The following MAGI2 variants were observed in gnomAD, a reference collection of about 807,000 sequenced individuals.
The protein encoded by MAGI2 is membrane associated guanylate kinase, WW and PDZ domain containing 2.
Under a neutral mutation model 133.3 loss-of-function variants are expected in MAGI2, and 35 were observed. The ratio of observed to expected loss-of-function variants is 0.26; its 90% CI spans 0.20 to 0.35. The LOEUF is 0.35. MAGI2 is among the 10% of genes least tolerant of loss of function. The probability of loss-of-function intolerance (pLI) is 1.00; values close to 1 mark genes in which losing one functional copy is unlikely to be tolerated. For missense variants in MAGI2, 1,636 were observed against 1,863.4 expected (o/e 0.88, Z 2.25); for synonymous variants, 729 against 710.6 (o/e 1.03, Z -0.41).
chr7:78,500,820 G>T (rs1329228924), intron 5 of MAGI2, among the ~76,000 whole-genome samples: 1 of 152,104 alleles, frequency 6.6e-6, no homozygotes, highest in Non-Finnish European at 1.5e-5. Flanking sequence ...TGGGCGCAGT[G>T]GCTCACCCCT....
intron 21 of MAGI2, among the ~76,000 whole-genome samples, chr7:78,062,151 A>G (rs141914944): frequency 6.6e-6 from 1 of 152,258 alleles, no homozygotes. Context: ...ATGGTATCTT[A>G]CTCATCTTTG....
chr7:78,839,997 G>A (rs1346449068), intron 2 of MAGI2, among the ~76,000 whole-genome samples: 1 of 151,990 alleles, frequency 6.6e-6, no homozygotes, highest in African/African-American at 2.4e-5. Flanking sequence ...AATTTTATAG[G>A]TCAGCTACCG....
chr7:78,771,781 G>GA lies in MAGI2; in HGVS notation c.419-144543dup, dbSNP rs560707640. Among the ~76,000 whole-genome samples, 446 of 149,998 alleles carry GA rather than the reference G, an allele frequency of 3.0e-3. 14 individuals are homozygous for GA. Among genetic ancestry groups the GA allele is most frequent in the Non-Finnish European group, 3.6e-3 (242 of 67,370 alleles). On this transcript the variant is annotated intron_variant, in intron 2 of 21. Coordinates refer to ENST00000354212, the MANE Select transcript of MAGI2 (RefSeq NM_012301.4). ...GACAATAAAAATAATAATGTGAAAG[G>GA]AAAAAAAAATAAGTGACAAAAACAC...
At chr7:78,607,832 TG>T (rs752627127) in intron 3 of MAGI2, among the ~76,000 whole-genome samples, 5 of 152,342 alleles carry the variant, frequency 3.3e-5, no homozygotes, top group Non-Finnish European at 7.3e-5. Flanking sequence ...CCCTTTGTGC[TG>T]GTAGCATCCC....
intron 2 of MAGI2, among the ~76,000 whole-genome samples, chr7:78,921,873 T>A (rs1799255304): frequency 1.3e-5 from 2 of 152,146 alleles, no homozygotes; most frequent in African/African-American, 4.8e-5. Flanking sequence ...CCTCAGGTGA[T>A]CCGCCTGCCT....
intron 1 of MAGI2, among the ~76,000 whole-genome samples, chr7:79,238,428 TG>T (rs1373737782): frequency 7.9e-5 from 12 of 152,192 alleles, no homozygotes; most frequent in Non-Finnish European, 5.9e-5. Flanking sequence ...TTTGACCCTT[TG>T]TATTTTCTTC....
chr7:78,580,985 A>G (rs1563199670), intron 3 of MAGI2, among the ~76,000 whole-genome samples: 1 of 152,202 alleles, frequency 6.6e-6, no homozygotes, highest in Non-Finnish European at 1.5e-5. Context: ...TGCCATATAA[A>G]TAATTTAGTT....
chr7:78,665,945 T>C (rs558020007), intron 2 of MAGI2, among the ~76,000 whole-genome samples: 4 of 152,216 alleles, frequency 2.6e-5, no homozygotes, highest in South Asian at 4.1e-4. Flanking sequence ...CAGGTAGTTA[T>C]AGTAGGGTGA....
At chr7:79,211,050 A>G (rs1419502125) in intron 1 of MAGI2, among the ~76,000 whole-genome samples, 2 of 152,104 alleles carry the variant, frequency 1.3e-5, no homozygotes, top group Non-Finnish European at 2.9e-5. Flanking sequence ...GGATTGGCTA[A>G]GTCACTTGCA....
At chr7:78,610,865 T>C (rs943194752) in intron 3 of MAGI2, among the ~76,000 whole-genome samples, 4 of 152,130 alleles carry the variant, frequency 2.6e-5, no homozygotes, top group African/African-American at 4.8e-5. Context: ...GAAAGGGAAA[T>C]AGGGTAAATC....
At chr7:78,557,263 A>G (rs1040189379) in intron 3 of MAGI2, among the ~76,000 whole-genome samples, 4 of 152,042 alleles carry the variant, frequency 2.6e-5, no homozygotes, top group Admixed American at 1.3e-4. Context: ...TCCTTTTACA[A>G]TTAGTTATAT....
intron 1 of MAGI2, among the ~76,000 whole-genome samples, chr7:79,254,781 T>G (rs940151687): frequency 2.0e-5 from 3 of 152,186 alleles, no homozygotes; most frequent in African/African-American, 7.2e-5. Flanking sequence ...CTGAACTCGC[T>G]CAATCTAGAG....
intron 1 of MAGI2, among the ~76,000 whole-genome samples, chr7:79,130,878 A>T (rs1192048006): frequency 6.6e-6 from 1 of 152,120 alleles, no homozygotes; most frequent in East Asian, 1.9e-4. Context: ...ATTATGGAAC[A>T]CTAGTCTTGA....
At chr7:78,760,156 G>A (rs1824349461) in intron 2 of MAGI2, among the ~76,000 whole-genome samples, 1 of 152,018 alleles carries the variant, frequency 6.6e-6, no homozygotes, top group East Asian at 1.9e-4. Flanking sequence ...AGAAAATAAA[G>A]GAGATTGCTT....
rs796839915 is a variant in MAGI2 at position 79,272,758 on chromosome 7, TA to T, written c.301+180261del. On this transcript the variant is annotated intron_variant, in intron 1 of 21. Transcript: ENST00000354212. ...TCTAATACCATAGTACTCTATGACT[TA>T]AACAAAACATAGAGTTTTAGTTCAG... 1.8e-4 allele frequency among the ~76,000 whole-genome samples: 27 copies of T among 152,182 alleles called. 1 individual carries two copies. Among genetic ancestry groups the T allele is most frequent in the African/African-American group, 6.5e-4 (27 of 41,558 alleles).
chr7:78,293,898 A>G (rs1796970112), intron 9 of MAGI2, among the ~76,000 whole-genome samples: 1 of 152,162 alleles, frequency 6.6e-6, no homozygotes, highest in African/African-American at 2.4e-5. Flanking sequence ...GAACACTTGG[A>G]CATAGGGTGA....
At chr7:78,836,599 T>C (rs539887362) in intron 2 of MAGI2, among the ~76,000 whole-genome samples, 34 of 152,344 alleles carry the variant, frequency 2.2e-4, no homozygotes, top group African/African-American at 7.0e-4. Flanking sequence ...TTATTAGTGA[T>C]AGCTTAACTT....
intron 21 of MAGI2, among the ~76,000 whole-genome samples, chr7:78,077,740 T>C (rs1585032810): frequency 6.7e-6 from 1 of 148,284 alleles, no homozygotes; most frequent in East Asian, 1.9e-4. Context: ...TTTTTTTTTT[T>C]TTTTTTGAGA....
At chr7:79,352,463 T>A (rs930602481) in intron 1 of MAGI2, among the ~76,000 whole-genome samples, 1 of 152,094 alleles carries the variant, frequency 6.6e-6, no homozygotes, top group African/African-American at 2.4e-5. Context: ...CTCTTAGAGG[T>A]CATGTAGCTC....
Sources: gnomAD v4.1 joint callset for allele counts (sites outside exome capture counted in the v4.1 genomes callset) on GRCh38, gnomAD v4.1.1 for gene constraint, MANE v1.5 for transcripts, NCBI Gene and HGNC (gene_info 2026-07-23, HGNC 2026-07-21) for gene names.